The following LRRTM4 variants were observed in gnomAD, a reference collection of about 807,000 sequenced individuals.
LRRTM4 encodes leucine rich repeat transmembrane neuronal 4, also known as leucine-rich repeat transmembrane neuronal protein 4.
LRRTM4 carries 25 observed loss-of-function variants against 47.6 expected under a neutral mutation model. The observed-to-expected ratio is 0.53, with a 90% CI of 0.38 to 0.73. LRRTM4 has a LOEUF of 0.73. LRRTM4 is among the 30% of genes least tolerant of loss of function. LRRTM4 has a pLI of 0.00. For synonymous variants in LRRTM4, 311 were observed against 269.5 expected (o/e 1.15, Z -1.51); for missense variants, 638 against 713.4 (o/e 0.89, Z 1.20).
At chr2:77,047,693 C>T (rs1050864787) in intron 3 of LRRTM4, among the ~76,000 whole-genome samples, 2 of 152,020 alleles carry the variant, frequency 1.3e-5, no homozygotes, top group Non-Finnish European at 2.9e-5. Flanking sequence ...TTTATCTTAA[C>T]ATATTACATC....
intron 3 of LRRTM4, among the ~76,000 whole-genome samples, chr2:77,109,829 A>C (rs965810810): frequency 6.6e-6 from 1 of 152,114 alleles, no homozygotes; most frequent in Non-Finnish European, 1.5e-5. Flanking sequence ...GGAAAAATGA[A>C]ATAAGAGAAC....
chr2:77,190,730 T>C (rs1409503176), intron 3 of LRRTM4, among the ~76,000 whole-genome samples: 1 of 152,190 alleles, frequency 6.6e-6, no homozygotes, highest in African/African-American at 2.4e-5. Context: ...TACAAATATA[T>C]ACTCTACATG....
chr2:76,906,561 A>G (rs1673847895), intron 3 of LRRTM4, among the ~76,000 whole-genome samples: 1 of 152,228 alleles, frequency 6.6e-6, no homozygotes, highest in Non-Finnish European at 1.5e-5. Flanking sequence ...CAAATTGGAT[A>G]AAGAGTCAAG....
At chr2:76,827,997 T>C (rs562223223) in intron 3 of LRRTM4, among the ~76,000 whole-genome samples, 12 of 152,098 alleles carry the variant, frequency 7.9e-5, no homozygotes, top group Admixed American at 5.3e-4. Context: ...TCTTGGGAAA[T>C]AGTGATGGAA....
chr2:77,195,879 G>C (rs376626643), intron 3 of LRRTM4, among the ~76,000 whole-genome samples: 1 of 152,194 alleles, frequency 6.6e-6, no homozygotes, highest in African/African-American at 2.4e-5. Context: ...TGTGGTCACT[G>C]TACAGAAGGA....
intron 3 of LRRTM4, among the ~76,000 whole-genome samples, chr2:76,796,266 GATTAGGTAAA>G (rs1363766606): frequency 5.4e-5 from 4 of 73,712 alleles, no homozygotes; most frequent in East Asian, 9.4e-4. Flanking sequence ...GAACAGGCTT[GATTAGGTAAA>G]CAAAGCAGCC....
intron 3 of LRRTM4, among the ~76,000 whole-genome samples, chr2:76,980,606 C>G (rs1676571205): frequency 6.6e-6 from 1 of 151,824 alleles, no homozygotes; most frequent in Admixed American, 6.6e-5. Flanking sequence ...TACACTCTAG[C>G]CTGGTATGTT....
intron 3 of LRRTM4, among the ~76,000 whole-genome samples, chr2:76,875,457 A>T (rs1264148468): frequency 6.6e-6 from 1 of 152,138 alleles, no homozygotes; most frequent in Non-Finnish European, 1.5e-5. Context: ...AGTTTTACAT[A>T]TAGCTCATAT....
At chr2:76,910,392 T>C (rs183616533) in intron 3 of LRRTM4, among the ~76,000 whole-genome samples, 6 of 151,980 alleles carry the variant, frequency 3.9e-5, no homozygotes, top group Admixed American at 3.9e-4. Flanking sequence ...ATATACCTAA[T>C]GCTAGATGAC....
At chr2:76,811,590 C>T (rs534866024) in intron 3 of LRRTM4, among the ~76,000 whole-genome samples, 1 of 152,278 alleles carries the variant, frequency 6.6e-6, no homozygotes, top group South Asian at 2.1e-4. Context: ...TACCTTGTTT[C>T]TGCCATGTAC....
chr2:77,412,467 G>C (rs938407911), intron 3 of LRRTM4, among the ~76,000 whole-genome samples: 2 of 152,088 alleles, frequency 1.3e-5, no homozygotes, highest in Non-Finnish European at 2.9e-5. Flanking sequence ...GTTTAATCTT[G>C]GGATAATGCC....
At chr2:77,436,303 G>A (rs1049782649) in intron 3 of LRRTM4, among the ~76,000 whole-genome samples, 2 of 152,018 alleles carry the variant, frequency 1.3e-5, no homozygotes, top group African/African-American at 2.4e-5. Flanking sequence ...TACCTTGAAC[G>A]TCTAGCAATG....
chr2:77,355,725 C>T (rs1171798316), intron 3 of LRRTM4, among the ~76,000 whole-genome samples: 1 of 152,108 alleles, frequency 6.6e-6, no homozygotes, highest in Admixed American at 6.5e-5. Flanking sequence ...TGAGAGAATC[C>T]AGTTTGTCTA....
intron 3 of LRRTM4, chr2:76,986,000 G>C (rs973240524): frequency 9.9e-5 from 15 of 152,086 alleles, no homozygotes; most frequent in African/African-American, 3.6e-4. Context: ...TTCTAGCAAA[G>C]GGTAGAGTTC....
At chr2:77,439,254 T>A (rs1675736815) in intron 3 of LRRTM4, among the ~76,000 whole-genome samples, 2 of 152,194 alleles carry the variant, frequency 1.3e-5, no homozygotes, top group African/African-American at 4.8e-5. Flanking sequence ...AAGTCCTATT[T>A]CAAATGATTT....
chr2:76,932,792 A>G (rs992099639), intron 3 of LRRTM4, among the ~76,000 whole-genome samples: 33 of 140,488 alleles, frequency 2.3e-4, no homozygotes, highest in African/African-American at 9.5e-4. Context: ...AGAGGAAAAT[A>G]CTTACTCTAA....
At chr2:76,997,949 CTGA>C (rs1295546754) in intron 3 of LRRTM4, among the ~76,000 whole-genome samples, 1 of 151,928 alleles carries the variant, frequency 6.6e-6, no homozygotes, top group Non-Finnish European at 1.5e-5. Context: ...AATCTAACGC[CTGA>C]TGATGTTACT....
intron 3 of LRRTM4, among the ~76,000 whole-genome samples, chr2:76,958,734 C>T (rs1353749984): frequency 1.3e-5 from 2 of 151,704 alleles, no homozygotes; most frequent in Admixed American, 6.6e-5. Flanking sequence ...TCCTACTAAA[C>T]TGATACATAG....
chr2:77,392,301 C>T (rs545480334), intron 3 of LRRTM4, among the ~76,000 whole-genome samples: 1 of 151,950 alleles, frequency 6.6e-6, no homozygotes, highest in African/African-American at 2.4e-5. Flanking sequence ...ACCCATCCCA[C>T]TTTGAGATTT....
Sources: gnomAD v4.1 joint callset for allele counts (sites outside exome capture counted in the v4.1 genomes callset) on GRCh38, gnomAD v4.1.1 for gene constraint, MANE v1.5 for transcripts, NCBI Gene and HGNC (gene_info 2026-07-23, HGNC 2026-07-21) for gene names.